SERPINA9: variants seen among roughly 807,000 people sequenced by gnomAD.
SERPINA9 encodes serpin A9.
In SERPINA9, 32 loss-of-function variants were observed where a neutral mutation model predicts 24.5. That is an observed-to-expected ratio of 1.30 (90% CI 0.98 to 1.75). The LOEUF (loss-of-function observed/expected upper bound fraction) is 1.75. Among genes scored for constraint, SERPINA9 ranks in the 40% most tolerant of loss-of-function variants. SERPINA9 has a pLI of 0.00. For missense variants in SERPINA9, 594 were observed against 497.1 expected (o/e 1.19, Z -1.85); for synonymous variants, 233 against 197.7 (o/e 1.18, Z -1.50).
At chr14:94,471,607 G>A (rs1355706746) in intron 1 of SERPINA9, among the ~76,000 whole-genome samples, 1 of 152,024 alleles carries the variant, frequency 6.6e-6, no homozygotes, top group East Asian at 1.9e-4. Flanking sequence ...GTGTAGTTTT[G>A]TATTTGCCTG....
At chr14:94,468,881 G>T (rs1899150431) in intron 2 of SERPINA9, among the ~76,000 whole-genome samples, 1 of 152,142 alleles carries the variant, frequency 6.6e-6, no homozygotes, top group African/African-American at 2.4e-5. Context: ...ACTTTCAAGG[G>T]GCAGTGGGAC....
At chr14:94,466,283 T>G (rs1163094882) in intron 3 of SERPINA9, among the ~76,000 whole-genome samples, 2 of 152,190 alleles carry the variant, frequency 1.3e-5, no homozygotes, top group Non-Finnish European at 2.9e-5. Context: ...TACCCACATG[T>G]GCAGCTAAAC....
chr14:94,475,520 T>C (rs998557858), intron 1 of SERPINA9, among the ~76,000 whole-genome samples: 2 of 152,062 alleles, frequency 1.3e-5, no homozygotes, highest in Admixed American at 6.5e-5. Flanking sequence ...TGAAAAGGAA[T>C]TGTCTCAACT....
chr14:94,464,006 T>A (rs1898868318), intron 4 of SERPINA9, among the ~76,000 whole-genome samples: 2 of 152,162 alleles, frequency 1.3e-5, no homozygotes, highest in Non-Finnish European at 2.9e-5. Context: ...AAATTTTAGG[T>A]CAGGGATCAG....
chr14:94,476,008 T>C (rs3117570), intron 1 of SERPINA9, 128 bp downstream of exon 1: 1 of 1,411,376 alleles, frequency 7.1e-7, no homozygotes, highest in Non-Finnish European at 9.8e-7. Context: ...CCAACTAATG[T>C]GTCTAGGTTC....
chr14:94,473,284 C>T (rs771428586), intron 1 of SERPINA9, among the ~76,000 whole-genome samples: 3 of 152,068 alleles, frequency 2.0e-5, no homozygotes, highest in African/African-American at 7.2e-5. Flanking sequence ...CTAGCACTTT[C>T]GAGGCAGGTG....
At chr14:94,474,309 C>T (rs1180952713) in intron 1 of SERPINA9, among the ~76,000 whole-genome samples, 4 of 152,192 alleles carry the variant, frequency 2.6e-5, no homozygotes, top group Non-Finnish European at 4.4e-5. Flanking sequence ...CCTCCACGCC[C>T]CAAGTCTTGT....
At chr14:94,475,966 C>G (rs572775103) in intron 1 of SERPINA9, 170 bp downstream of exon 1, 4 of 922,926 alleles carry the variant, frequency 4.3e-6, no homozygotes, top group Admixed American at 4.6e-5. Flanking sequence ...GCTTCTGTAT[C>G]CACAAAAATG....
intron 1 of SERPINA9, among the ~76,000 whole-genome samples, chr14:94,475,625 G>A (rs1163903796): frequency 6.6e-6 from 1 of 151,976 alleles, no homozygotes; most frequent in Non-Finnish European, 1.5e-5. Flanking sequence ...CAGAGGATCG[G>A]CCCTCCTTTG....
rs767504507 is a variant in SERPINA9, at chr14:94,469,670, G to A, written c.171C>T (p.Arg57=). ...GACTCGGGGTCTCCAAAACCAGCCT[G>A]CGGTATAGGCGGAAGGCAAAGTCGG... The part of the protein sequence containing the change: ...LNTDFAFRLY[R]RLVLETPSQN... Residue 57 remains arginine (R), a synonymous_variant, in exon 2 of 5, where the codon CGC becomes CGT. Coordinates refer to ENST00000674397, the MANE Select transcript of SERPINA9 (RefSeq NM_175739.4). 2.5e-6 allele frequency: 4 copies of A among 1,613,842 alleles called. No individual in the cohort carries two copies. The highest frequency in any genetic ancestry group is 3.4e-6 in the Non-Finnish European group (4 of 1,179,796).
intron 4 of SERPINA9, among the ~76,000 whole-genome samples, chr14:94,463,577 G>A (rs528208008): frequency 1.2e-4 from 19 of 152,290 alleles, no homozygotes; most frequent in South Asian, 4.1e-4. Context: ...AAGATGCTGC[G>A]TGCTTCAGGT....
Position 94,469,801 on chromosome 14 carries a change from G to T in SERPINA9, c.40C>A (p.Leu14Ile), listed in dbSNP as rs1336000153. ...GACACACAGTAGATTGGAGCACAGA[G>T]GCCAACAGCAAAGAGTACTCCATAA... ...YLYGVLFAVG[L>I]CAPIYCVSPA... Residue 14 changes from leucine to isoleucine, a missense_variant, in exon 2 of 5, where the codon CTC becomes ATC. Leu to Ile is a conservative substitution (Grantham distance 5). Transcript: ENST00000674397. 1.3e-6 allele frequency: 2 copies of T among 1,524,766 alleles called. No individual in the cohort carries two copies. The highest frequency in any genetic ancestry group is 1.8e-6 in the Non-Finnish European group (2 of 1,137,292). The allele number at this position is 1,524,766 out of a possible 1,614,324, so 94.5% of individuals were successfully genotyped here. A position where few individuals can be genotyped will look rare whatever the true frequency, so the allele number is the denominator to read the frequency against.
At chr14:94,472,860 C>T (rs77482772) in intron 1 of SERPINA9, among the ~76,000 whole-genome samples, 8,096 of 152,232 alleles carry the variant, frequency 0.053, 245 homozygotes, top group Non-Finnish European at 0.068. Context: ...TGTGCAAGGG[C>T]CCAGAGGGAA....
In SERPINA9 at chr14:94,464,844, C is replaced by A. The variant is rs1898924155; in HGVS notation, c.913G>T (p.Val305Leu). Reference protein sequence around the residue: ...SHSLQKRWIEVFIPRFSISAS... With the variant: ...SHSLQKRWIELFIPRFSISAS... ...GAAATGGAAAATCTGGGGATGAACA[C>A]CTCTATCCACCTGTGGAGTAGGGAA... The change falls in exon 4 of 5, where the codon GTG (valine) becomes TTG (leucine). Residue 305 changes from valine to leucine, a missense_variant. Coordinates refer to ENST00000674397, the MANE Select transcript of SERPINA9 (RefSeq NM_175739.4). 3 of 1,613,208 alleles carry A rather than the reference C, an allele frequency of 1.9e-6. No individual in the cohort carries two copies. Among genetic ancestry groups the A allele is most frequent in the Non-Finnish European group, 2.5e-6 (3 of 1,179,584 alleles).
intron 1 of SERPINA9, among the ~76,000 whole-genome samples, chr14:94,471,392 A>G (rs1021415302): frequency 6.6e-6 from 1 of 152,328 alleles, no homozygotes; most frequent in African/African-American, 2.4e-5. Context: ...TCACTTGTCT[A>G]TGTCAGACCA....
chr14:94,473,985 AC>A (rs763660579), intron 1 of SERPINA9, among the ~76,000 whole-genome samples: 1 of 152,256 alleles, frequency 6.6e-6, no homozygotes, highest in Non-Finnish European at 1.5e-5. Context: ...TGGGCAGGAG[AC>A]CAAAGCTGCA....
chr14:94,469,968 A>G, intron 1 of SERPINA9, 111 bp from the exon 2 acceptor site: 1 of 851,412 alleles, frequency 1.2e-6, no homozygotes, highest in Non-Finnish European at 1.8e-6. Context: ...CAGATAGGCC[A>G]GTTAGCAGAG....
At chr14:94,468,079 C>T (rs1899104075) in intron 2 of SERPINA9, among the ~76,000 whole-genome samples, 1 of 151,426 alleles carries the variant, frequency 6.6e-6, no homozygotes. Flanking sequence ...TGCATGGATT[C>T]ATGGATGAAT....
chr14:94,465,188 G>A (rs548064739), intron 3 of SERPINA9, among the ~76,000 whole-genome samples: 13 of 152,254 alleles, frequency 8.5e-5, no homozygotes, highest in African/African-American at 2.4e-4. Context: ...CTCACTGTCC[G>A]GAATACCTCC....
Sources: allele counts gnomAD v4.1 joint callset (sites outside exome capture counted in the v4.1 genomes callset), GRCh38; gene constraint gnomAD v4.1.1; transcripts MANE v1.5; gene names NCBI Gene and HGNC (gene_info 2026-07-23, HGNC 2026-07-21).